The following ASMT variants were observed in gnomAD, a reference collection of about 807,000 sequenced individuals.
ASMT encodes acetylserotonin O-methyltransferase.
In ASMT, 53 loss-of-function variants were observed where a neutral mutation model predicts 41.3. The observed-to-expected ratio is 1.28, with a 90% CI of 1.03 to 1.61. The LOEUF is 1.61. ASMT is among the 40% of genes most tolerant of loss of function. ASMT has a pLI of 0.00. For synonymous variants in ASMT, 231 were observed against 184.8 expected, an observed-to-expected ratio of 1.25 and a Z score of -2.03; for missense variants, 531 against 441.3, an observed-to-expected ratio of 1.20 and a Z score of -1.82.
chrX:1,628,633 C>T (rs1934648944), intron 4 of ASMT, among the ~76,000 whole-genome samples: 1 of 150,282 alleles, frequency 6.7e-6, no homozygotes, highest in Non-Finnish European at 1.5e-5. Context: ...GTCCTGTTCC[C>T]TCTCTTTTCC....
At position 1,633,037 on chromosome X, in the gene ASMT, C is replaced by T. The variant is rs149859545; in HGVS notation, c.647-113C>T. 360 of 1,233,332 alleles carry T rather than the reference C, an allele frequency of 2.9e-4. 1 individual carries two copies. In the African/African-American group the frequency reaches 4.0e-3, roughly 14 times the overall value. The allele number at this position is 1,233,332 out of a possible 1,614,324, so 76.4% of individuals were successfully genotyped here. On this transcript the variant is annotated intron_variant, in intron 6 of 8. Coordinates refer to ENST00000381241, the MANE Select transcript of ASMT (RefSeq NM_001171038.2). ...AAAAGAAAAAAAAGACCAGACATGG[C>T]GGAAGGACCCAAGTTCCTGGGTTGG...
At position 1,633,278 on chromosome X, in the gene ASMT, G is replaced by A; in HGVS notation, c.775G>A (p.Asp259Asn). ...CTCATTCCAGGAGGAAGAACAGATT[G>A]ACTTCCAGGAAGGTGTGTTTGTGTC... ...HFSFQEEEQIDFQEGDFFKDP... is the reference protein window; with the variant it reads ...HFSFQEEEQINFQEGDFFKDP... Residue 259 changes from aspartate (D) to asparagine (N), a missense_variant, in exon 7 of 9, where the codon GAC becomes AAC. Physicochemically the swap from Asp to Asn is conservative, Grantham distance 23. Transcript: ENST00000381241. 6.2e-7 allele frequency: 1 copy of A among 1,613,890 alleles called. No individual in the cohort carries two copies. Among genetic ancestry groups the A allele is most frequent in the Non-Finnish European group, 8.5e-7 (1 of 1,179,862 alleles).
At chrX:1,630,368 C>G (rs1415887136) in intron 5 of ASMT, among the ~76,000 whole-genome samples, 1 of 120,956 alleles carries the variant, frequency 8.3e-6, no homozygotes, top group Admixed American at 8.7e-5. Context: ...TGCAGTGGCA[C>G]GATCTCGGCT....
In ASMT at chrX:1,637,082, TGA is replaced by T. The variant is rs1430024828; in HGVS notation, c.910+525_910+526del. ...AGGATGTGGGCACAGCCTCTGTGTG[TGA>T]GATAAGGACTGTGTCCCAGCTCTCC... On this transcript the variant is annotated intron_variant, in intron 8 of 8. Coordinates refer to ENST00000381241, the MANE Select transcript of ASMT (RefSeq NM_001171038.2). Among the ~76,000 whole-genome samples the T allele has an allele frequency of 7.6e-4, 75 of 98,886 alleles. 1 individual carries two copies. Among genetic ancestry groups the T allele is most frequent in the Middle Eastern group, 4.9e-3 (1 of 206 alleles). 64.9% of individuals were successfully genotyped at this position (98,886 alleles called of 152,430 possible).
Position 1,615,256 on chromosome X carries a change from C to T in ASMT, c.57C>T (p.Phe19=). 6.3e-7 allele frequency: 1 copy of T among 1,593,608 alleles called. No individual in the cohort carries two copies. Among genetic ancestry groups the T allele is most frequent in the Non-Finnish European group, 8.5e-7 (1 of 1,170,058 alleles). ...YRLLNDYANG[F]MVSQVLFAAC... ...TCCTTAATGACTACGCCAACGGCTT[C>T]ATGGTGTCCCAGGTAGGATACGCTC... Residue 19 remains phenylalanine (F), a synonymous_variant, in exon 1 of 9, where the codon TTC becomes TTT. Coordinates refer to ENST00000381241, the MANE Select transcript of ASMT (RefSeq NM_001171038.2).
chrX:1,627,958 A>T (rs1428530712), intron 4 of ASMT, 187 bp downstream of exon 4: 2 of 657,392 alleles, frequency 3.0e-6, no homozygotes, highest in African/African-American at 1.8e-5. Flanking sequence ...AATTGATCAA[A>T]TTCCTGAGGA....
chrX:1,636,991 CCT>C (rs1379911083), intron 8 of ASMT, among the ~76,000 whole-genome samples: 1 of 66,578 alleles, frequency 1.5e-5, no homozygotes, highest in Non-Finnish European at 2.9e-5. Context: ...GTGGGCACAG[CCT>C]CTGTGTGTGA....
At position 1,627,778 on chromosome X, in the gene ASMT, C is replaced by G. The variant is rs780244168; in HGVS notation, c.443+7C>G. 3.1e-6 allele frequency: 5 copies of G among 1,613,202 alleles called. No homozygotes were observed. The highest frequency in any genetic ancestry group is 4.2e-6 in the Non-Finnish European group (5 of 1,179,168). On this transcript the variant is annotated splice_region_variant and intron_variant, in intron 4 of 8. Transcript: ENST00000381241. ...TTTTTACGGCCATCTACAGGTAACA[C>G]CCATCACTTTGAAACCAACAACTCA...
chrX:1,626,236 T>A (rs1325630871), intron 3 of ASMT, among the ~76,000 whole-genome samples: 1 of 11,678 alleles, frequency 8.6e-5, no homozygotes, highest in Non-Finnish European at 1.6e-4. Context: ...TTTATTTCCT[T>A]TTTTTTTTTT....
chrX:1,625,634 G>A (rs1417864016), intron 3 of ASMT, among the ~76,000 whole-genome samples: 7 of 151,558 alleles, frequency 4.6e-5, no homozygotes, highest in African/African-American at 1.7e-4. Context: ...GAGAGAGAGA[G>A]AGAGAAGACC....
intron 1 of ASMT, among the ~76,000 whole-genome samples, chrX:1,621,450 T>G (rs1233394060): frequency 6.6e-6 from 1 of 151,882 alleles, no homozygotes; most frequent in African/African-American, 2.4e-5. Flanking sequence ...CCCCAGTAGC[T>G]GGGACTACAG....
intron 1 of ASMT, among the ~76,000 whole-genome samples, chrX:1,621,213 T>C (rs1188732517): frequency 6.6e-6 from 1 of 152,250 alleles, no homozygotes; most frequent in Non-Finnish European, 1.5e-5. Flanking sequence ...AGAAACCATC[T>C]TTCCCTGTGG....
intron 7 of ASMT, 23 bp from the exon 8 acceptor site, chrX:1,636,415 G>C (rs371024471): frequency 3.1e-6 from 5 of 1,613,852 alleles, no homozygotes; most frequent in African/African-American, 2.7e-5. Context: ...GGCTGACCTC[G>C]GTGTGCCTGC....
At chrX:1,633,939 CT>C (rs1231349017) in intron 7 of ASMT, among the ~76,000 whole-genome samples, 1 of 150,254 alleles carries the variant, frequency 6.7e-6, no homozygotes, top group East Asian at 1.9e-4. Context: ...CACCCGGCCT[CT>C]TTTTGTATTT....
At chrX:1,634,279 G>C (rs761741283) in intron 7 of ASMT, among the ~76,000 whole-genome samples, 3 of 152,248 alleles carry the variant, frequency 2.0e-5, no homozygotes, top group Admixed American at 6.5e-5. Flanking sequence ...TGAGCTTCTT[G>C]TTGTCTTCTC....
At chrX:1,622,998 C>G in intron 1 of ASMT, 141 bp from the exon 2 acceptor site, 1 of 589,502 alleles carries the variant, frequency 1.7e-6, no homozygotes, top group Non-Finnish European at 2.8e-6. Flanking sequence ...GACTCTGTCT[C>G]AAAAAAAAAA....
intron 5 of ASMT, among the ~76,000 whole-genome samples, chrX:1,631,084 GTT>G (rs11330880): frequency 4.2e-5 from 6 of 144,432 alleles, no homozygotes; most frequent in Admixed American, 3.5e-4. Flanking sequence ...CTAATTTTTT[GTT>G]TTTTTTTTTA....
intron 7 of ASMT, among the ~76,000 whole-genome samples, chrX:1,635,141 ATTT>A (rs762432316): frequency 7.4e-6 from 1 of 134,330 alleles, no homozygotes; most frequent in Non-Finnish European, 1.6e-5. Context: ...CGCCCAGCTA[ATTT>A]TTTTTTTTTT....
intron 8 of ASMT, among the ~76,000 whole-genome samples, chrX:1,636,966 A>G (rs1934998686): frequency 1.3e-5 from 1 of 76,422 alleles, no homozygotes; most frequent in East Asian, 7.6e-4. Context: ...ATCCATCCTG[A>G]TGGCACATGA....
Sources: gnomAD v4.1 joint callset for allele counts (sites outside exome capture counted in the v4.1 genomes callset) on GRCh38, gnomAD v4.1.1 for gene constraint, MANE v1.5 for transcripts, NCBI Gene and HGNC (gene_info 2026-07-23, HGNC 2026-07-21) for gene names.